Variants in PKP2 observed in about 807,000 individuals in gnomAD.
PKP2 encodes the protein plakophilin 2, also known as plakophilin-2.
A neutral mutation model predicts 83.4 loss-of-function variants in PKP2; 73 were observed. The observed-to-expected ratio is 0.88, with a 90% CI of 0.72 to 1.06. The LOEUF (loss-of-function observed/expected upper bound fraction) is 1.06, where lower values mean the gene tolerates loss of function less well. Ranked by LOEUF, PKP2 falls within the 50% of genes least tolerant of loss-of-function variation. The probability of loss-of-function intolerance (pLI) is 0.00; values close to 1 mark genes in which losing one functional copy is unlikely to be tolerated. For synonymous variants in PKP2, 409 were observed against 430.4 expected, an observed-to-expected ratio of 0.95 and a Z score of 0.62; for missense variants, 966 against 1,065.4, an observed-to-expected ratio of 0.91 and a Z score of 1.30.
chr12:32,895,885 C>G (rs1173422072), intron 1 of PKP2, among the ~76,000 whole-genome samples: 1 of 152,224 alleles, frequency 6.6e-6, no homozygotes, highest in Non-Finnish European at 1.5e-5. Flanking sequence ...AGTCCCCTAC[C>G]TCCTCCTCGG....
In PKP2 at chr12:32,792,446, G is replaced by A. The variant is rs1956077291; in HGVS notation, c.2492C>T (p.Ala831Val). The change falls in exon 13 of 13, where the codon GCC becomes GTC. Residue 831 changes from alanine (A) to valine (V), a missense_variant. Ala to Val is a moderately conservative substitution (Grantham distance 64). Transcript: ENST00000340811. ...TDFVNSRTAKAYHSLKD is the reference protein window; with the variant it reads ...TDFVNSRTAKVYHSLKD ...TCCTCAGTCTTTAAGGGAGTGGTAG[G>A]CTTTGGCAGTCCGGCTGTTGACAAA... 6.2e-7 allele frequency: 1 copy of A among 1,613,518 alleles called. No homozygotes were observed. The highest frequency in any genetic ancestry group is 1.3e-5 in the African/African-American group (1 of 74,890).
At chr12:32,847,527 G>GAC (rs138388923) in intron 5 of PKP2, among the ~76,000 whole-genome samples, 17 of 151,292 alleles carry the variant, frequency 1.1e-4, no homozygotes, top group South Asian at 4.2e-4. Flanking sequence ...TTGTTCCCTT[G>GAC]ACACACACAC....
At chr12:32,886,684 A>C (rs1565602126) in intron 1 of PKP2, among the ~76,000 whole-genome samples, 1 of 152,176 alleles carries the variant, frequency 6.6e-6, no homozygotes, top group Non-Finnish European at 1.5e-5. Context: ...AATAAGTAGA[A>C]TTTGTTGGTT....
rs558720270 is a variant in PKP2 at position 32,873,252 on chromosome 12, A to G, written c.1035-4190T>C. Among the ~76,000 whole-genome samples, 3 of 152,100 alleles carry G rather than the reference A, an allele frequency of 2.0e-5. No homozygotes were observed. In the East Asian group the frequency reaches 5.8e-4, roughly 29 times the overall value. On this transcript the variant is annotated intron_variant, in intron 3 of 12. Coordinates refer to ENST00000340811, the MANE Select transcript of PKP2 (RefSeq NM_001005242.3). ...GTAGTTGGGGCTACAGGCATGCACCACCATGCCCAGCTAATTCTTGTACTT... is the reference window on the plus strand; with the variant it reads ...GTAGTTGGGGCTACAGGCATGCACCGCCATGCCCAGCTAATTCTTGTACTT...
intron 9 of PKP2, among the ~76,000 whole-genome samples, chr12:32,812,429 T>C (rs991717112): frequency 6.6e-6 from 1 of 152,184 alleles, no homozygotes; most frequent in Non-Finnish European, 1.5e-5. Context: ...TATTTACTGG[T>C]TGATGATTAG....
intron 1 of PKP2, chr12:32,893,160 T>C (rs1021268641): frequency 3.3e-5 from 5 of 152,200 alleles, no homozygotes; most frequent in African/African-American, 1.2e-4. Flanking sequence ...AAGATACTTA[T>C]CAACAAATCA....
chr12:32,857,902 C>T (rs567952957), intron 4 of PKP2, among the ~76,000 whole-genome samples: 53 of 149,582 alleles, frequency 3.5e-4, no homozygotes, highest in South Asian at 2.1e-4. Context: ...ACTACAAAAT[C>T]GAAGCATACG....
intron 4 of PKP2, among the ~76,000 whole-genome samples, chr12:32,861,505 G>A (rs1956797362): frequency 6.6e-6 from 1 of 152,102 alleles, no homozygotes; most frequent in South Asian, 2.1e-4. Flanking sequence ...CATATTAAGA[G>A]ATTAGCAAAT....
chr12:32,856,917 G>A (rs1376755277), intron 4 of PKP2, among the ~76,000 whole-genome samples: 1 of 152,146 alleles, frequency 6.6e-6, no homozygotes, highest in East Asian at 1.9e-4. Flanking sequence ...GACAACTCTT[G>A]GTAGGAGAAC....
chr12:32,893,631 T>C (rs979804383), intron 1 of PKP2: 3 of 152,220 alleles, frequency 2.0e-5, no homozygotes, highest in African/African-American at 7.2e-5. Context: ...GCAGAGTGTA[T>C]TTCAGCTTAC....
intron 9 of PKP2, among the ~76,000 whole-genome samples, chr12:32,819,759 C>T (rs1213987286): frequency 1.3e-5 from 2 of 151,932 alleles, no homozygotes; most frequent in Non-Finnish European, 2.9e-5. Context: ...TGAAAGCACC[C>T]CTGGTCTGGA....
chr12:32,828,102 G>A (rs1420607313), intron 6 of PKP2, among the ~76,000 whole-genome samples: 2 of 152,142 alleles, frequency 1.3e-5, no homozygotes, highest in African/African-American at 4.8e-5. Context: ...TTTGACTTGT[G>A]GCCAGTGCTT....
intron 9 of PKP2, among the ~76,000 whole-genome samples, chr12:32,806,949 A>G (rs1307391076): frequency 6.6e-6 from 1 of 152,044 alleles, no homozygotes; most frequent in African/African-American, 2.4e-5. Flanking sequence ...CTTCTGCCTT[A>G]ATTTCGTTAT....
chr12:32,850,218 T>C (rs1329336972), intron 5 of PKP2, among the ~76,000 whole-genome samples: 1 of 152,174 alleles, frequency 6.6e-6, no homozygotes, highest in African/African-American at 2.4e-5. Flanking sequence ...TTAAGAATAT[T>C]AAGCAAAAGC....
rs551812289 is a variant in PKP2, at chr12:32,877,940, C to T, written c.940G>A (p.Gly314Arg). Residue 314 changes from glycine to arginine, a missense_variant, in exon 3 of 13, where the codon GGG (glycine) becomes AGG (arginine). Coordinates refer to ENST00000340811, the MANE Select transcript of PKP2 (RefSeq NM_001005242.3). ...AGPSVAVDSSGRRAHLTVGQA... is the reference protein window; with the variant it reads ...AGPSVAVDSSRRRAHLTVGQA... ...CCGACAGTCAAGTGCGCTCTCCTCC[C>T]GCTGGAATCCACGGCGACACTGGGC... The T allele has an allele frequency of 2.4e-5, 39 of 1,614,178 alleles. 1 individual carries two copies. The highest frequency in any genetic ancestry group is 1.2e-4 in the Admixed American group (7 of 60,020).
intron 4 of PKP2, among the ~76,000 whole-genome samples, chr12:32,852,350 C>T: frequency 6.6e-6 from 1 of 152,088 alleles, no homozygotes; most frequent in East Asian, 1.9e-4. Flanking sequence ...TTCTAGCCTC[C>T]CTTTCATAGA....
At chr12:32,816,177 G>A (rs1956316749) in intron 9 of PKP2, among the ~76,000 whole-genome samples, 1 of 152,118 alleles carries the variant, frequency 6.6e-6, no homozygotes. Flanking sequence ...GAATAATCCC[G>A]TCACCCAGGT....
chr12:32,821,143 G>A (rs377373274), intron 9 of PKP2: 15 of 560,424 alleles, frequency 2.7e-5, no homozygotes, highest in East Asian at 2.5e-4. Context: ...TCTGAGATCT[G>A]TAACTGAAAG....
At chr12:32,848,243 C>T (rs1455811119) in intron 5 of PKP2, among the ~76,000 whole-genome samples, 1 of 151,936 alleles carries the variant, frequency 6.6e-6, no homozygotes, top group East Asian at 1.9e-4. Flanking sequence ...ATCAACGTGG[C>T]GAAACCCCGT....
Sources: gnomAD v4.1 joint callset for allele counts (sites outside exome capture counted in the v4.1 genomes callset) on GRCh38, gnomAD v4.1.1 for gene constraint, MANE v1.5 for transcripts, NCBI Gene and HGNC (gene_info 2026-07-23, HGNC 2026-07-21) for gene names.